Variants in ASIC2 observed in about 807,000 individuals in gnomAD.
The protein encoded by ASIC2 is acid-sensing ion channel 2.
In ASIC2, 25 loss-of-function variants were observed where a neutral mutation model predicts 57.3. That is an observed-to-expected ratio of 0.44 (90% CI 0.32 to 0.61). The LOEUF (loss-of-function observed/expected upper bound fraction) is 0.61, where lower values mean the gene tolerates loss of function less well. Among genes scored for constraint, ASIC2 ranks in the 20% least tolerant of loss-of-function variants. The probability of loss-of-function intolerance (pLI) is 0.06; values close to 1 mark genes in which losing one functional copy is unlikely to be tolerated. For missense variants in ASIC2, 641 were observed against 738.1 expected (o/e 0.87, Z 1.52); for synonymous variants, 319 against 307.5 (o/e 1.04, Z -0.39).
chr17:33,247,485 AAAAAAGAAAACCACCT>A (rs1419966802), intron 1 of ASIC2, among the ~76,000 whole-genome samples: 3 of 152,242 alleles, frequency 2.0e-5, no homozygotes, highest in Non-Finnish European at 2.9e-5. Flanking sequence ...CAAAAAGAAA[AAAAAAGAAAACCACCT>A]AAAATCGTCT....
At chr17:33,770,759 T>TA (rs1397745348) in intron 1 of ASIC2, among the ~76,000 whole-genome samples, 1 of 152,196 alleles carries the variant, frequency 6.6e-6, no homozygotes, top group Non-Finnish European at 1.5e-5. Context: ...TTTATAGCAT[T>TA]AATGCTTTTC....
At chr17:33,669,390 G>A (rs1907577149) in intron 1 of ASIC2, among the ~76,000 whole-genome samples, 1 of 152,108 alleles carries the variant, frequency 6.6e-6, no homozygotes, top group Non-Finnish European at 1.5e-5. Flanking sequence ...CAAAACAGAG[G>A]TACTCCTAAG....
intron 3 of ASIC2, among the ~76,000 whole-genome samples, chr17:33,038,212 C>T (rs1402305876): frequency 6.6e-6 from 1 of 152,184 alleles, no homozygotes; most frequent in African/African-American, 2.4e-5. Context: ...ACTTAGTTCT[C>T]ATCACCTTCT....
At chr17:33,207,111 G>A (rs2142083991) in intron 1 of ASIC2, among the ~76,000 whole-genome samples, 1 of 152,278 alleles carries the variant, frequency 6.6e-6, no homozygotes, top group Admixed American at 6.5e-5. Context: ...TTAACTATAT[G>A]CCAGGCACCC....
intron 1 of ASIC2, among the ~76,000 whole-genome samples, chr17:33,659,871 CAAATAAAT>C (rs145561483): frequency 0.34 from 45,177 of 133,002 alleles, 8,480 homozygotes; most frequent in South Asian, 0.47. Context: ...GACTCTGTCT[CAAATAAAT>C]AAATAAATAA....
At chr17:33,775,351 A>C (rs1167629901) in intron 1 of ASIC2, among the ~76,000 whole-genome samples, 1 of 152,214 alleles carries the variant, frequency 6.6e-6, no homozygotes, top group Non-Finnish European at 1.5e-5. Context: ...GCAGCAGTAC[A>C]CTGGGACTCA....
chr17:33,229,360 G>A (rs1436553276), intron 1 of ASIC2, among the ~76,000 whole-genome samples: 1 of 152,174 alleles, frequency 6.6e-6, no homozygotes, highest in Non-Finnish European at 1.5e-5. Flanking sequence ...CTGGGGAAGG[G>A]TCTGAGGACA....
intron 1 of ASIC2, among the ~76,000 whole-genome samples, chr17:33,811,033 G>C (rs751767116): frequency 6.6e-6 from 1 of 152,218 alleles, no homozygotes; most frequent in South Asian, 2.1e-4. Context: ...CATGGCAGAA[G>C]GTATGTAAAC....
intron 1 of ASIC2, chr17:33,688,862 G>T (rs1195219439): frequency 6.6e-6 from 1 of 152,194 alleles, no homozygotes; most frequent in Non-Finnish European, 1.5e-5. Flanking sequence ...GTCTCTGCAG[G>T]AAACAATGTG....
intron 1 of ASIC2, among the ~76,000 whole-genome samples, chr17:33,621,203 A>G (rs964664376): frequency 2.0e-5 from 3 of 152,160 alleles, no homozygotes; most frequent in South Asian, 2.1e-4. Context: ...TTAACTAGTT[A>G]TGAGAGTAAT....
intron 1 of ASIC2, among the ~76,000 whole-genome samples, chr17:33,589,400 G>A (rs1414407965): frequency 6.6e-6 from 1 of 152,098 alleles, no homozygotes; most frequent in Non-Finnish European, 1.5e-5. Flanking sequence ...CCATTCTTAT[G>A]TGTATCATTC....
chr17:33,804,321 T>C (rs548077096), intron 1 of ASIC2, among the ~76,000 whole-genome samples: 15 of 152,272 alleles, frequency 9.9e-5, no homozygotes, highest in Non-Finnish European at 2.2e-4. Context: ...GAGACAGATA[T>C]TTAAAACTCT....
At chr17:33,392,263 T>G (rs1909928655) in intron 1 of ASIC2, among the ~76,000 whole-genome samples, 1 of 150,900 alleles carries the variant, frequency 6.6e-6, no homozygotes. Flanking sequence ...TCTGTCTCTC[T>G]TTCTTTCTTT....
At chr17:33,962,856 T>C (rs957395948) in intron 1 of ASIC2, among the ~76,000 whole-genome samples, 1 of 152,174 alleles carries the variant, frequency 6.6e-6, no homozygotes, top group African/African-American at 2.4e-5. Flanking sequence ...CAAACTAATA[T>C]ATTTCTTGAG....
intron 1 of ASIC2, among the ~76,000 whole-genome samples, chr17:33,299,618 G>T (rs1371372640): frequency 2.7e-5 from 4 of 150,572 alleles, no homozygotes; most frequent in South Asian, 2.1e-4. Context: ...GTGGTTTTTT[G>T]CCCTTTTAGT....
intron 1 of ASIC2, among the ~76,000 whole-genome samples, chr17:33,943,504 C>G (rs1046240866): frequency 6.6e-6 from 1 of 152,130 alleles, no homozygotes; most frequent in African/African-American, 2.4e-5. Flanking sequence ...CCAGTAAGAG[C>G]AGGTGCAAGT....
chr17:33,423,193 A>C (rs1911103834), intron 1 of ASIC2, among the ~76,000 whole-genome samples: 1 of 152,198 alleles, frequency 6.6e-6, no homozygotes, highest in Non-Finnish European at 1.5e-5. Context: ...CTTGAGAGAT[A>C]CTGATGTAAT....
At chr17:33,753,452 T>G (rs180762252) in intron 1 of ASIC2, among the ~76,000 whole-genome samples, 62 of 152,334 alleles carry the variant, frequency 4.1e-4, no homozygotes, top group Admixed American at 2.8e-3. Flanking sequence ...TGAACCCTAA[T>G]GTAAACAATG....
rs7218456 is a variant in ASIC2 at position 34,122,895 on chromosome 17, G to A, written c.555+33083C>T. Among the ~76,000 whole-genome samples, 878 of 152,288 alleles carry A rather than the reference G, an allele frequency of 5.8e-3. 9 individuals carry two copies. The highest frequency in any genetic ancestry group is 0.02 in the African/African-American group (831 of 41,544). On this transcript the variant is annotated intron_variant, in intron 1 of 9. Transcript: ENST00000359872. ...TCACTAAAGCTGCAACCAAGTCACT[G>A]GGAAACACAAAGCAGCCTCATAAAG...
Sources: gnomAD v4.1 joint callset for allele counts (sites outside exome capture counted in the v4.1 genomes callset) on GRCh38, gnomAD v4.1.1 for gene constraint, MANE v1.5 for transcripts, NCBI Gene and HGNC (gene_info 2026-07-23, HGNC 2026-07-21) for gene names.